PCDH15: variants seen among roughly 807,000 people sequenced by gnomAD.
PCDH15 encodes the protein protocadherin related 15, also known as protocadherin-15.
A neutral mutation model predicts 178.5 loss-of-function variants in PCDH15; 129 were observed. The observed-to-expected ratio is 0.72, with a 90% CI of 0.63 to 0.84. The LOEUF (loss-of-function observed/expected upper bound fraction) is 0.84. Ranked by LOEUF, PCDH15 falls within the 40% of genes least tolerant of loss-of-function variation. The pLI is 0.00. For synonymous variants in PCDH15, 800 were observed against 732.0 expected (o/e 1.09, Z -1.50); for missense variants, 2,230 against 2,099.9 (o/e 1.06, Z -1.21).
intron 2 of PCDH15, among the ~76,000 whole-genome samples, chr10:54,537,241 C>T (rs1242242789): frequency 3.9e-5 from 6 of 151,978 alleles, no homozygotes; most frequent in African/African-American, 1.4e-4. Context: ...CCTTGTGATC[C>T]GCCCGCCTCG....
rs183647702 is a variant in PCDH15 at position 53,889,424 on chromosome 10, T to C, written c.3501+13819A>G. On this transcript the variant is annotated intron_variant, in intron 26 of 37. Transcript: ENST00000644397. ...GAAAGAGACCAAAATAGTCGCCACA[T>C]AAAGAGGATACAAATACTGGCAAAA... Among the ~76,000 whole-genome samples the C allele has an allele frequency of 8.0e-4, 121 of 151,938 alleles. 1 individual carries two copies. Among genetic ancestry groups the C allele is most frequent in the African/African-American group, 2.7e-3 (113 of 41,466 alleles).
rs558459124 is a variant in PCDH15 at position 55,522,344 on chromosome 10, T to C, written c.-156+105281A>G. 1.5e-4 allele frequency among the ~76,000 whole-genome samples: 23 copies of C among 151,952 alleles called. No homozygotes were observed. In the East Asian group the frequency reaches 4.3e-3, roughly 28 times the overall value. On this transcript the variant is annotated intron_variant, in intron 2 of 5. Transcript: ENST00000613346. ...TCTATAGATCCATTTTTTTCTATAG[T>C]GTTATTCAAATATGCTATTTCCCTA...
At chr10:55,625,574 G>GA (rs932024357) in intron 2 of PCDH15, among the ~76,000 whole-genome samples, 3 of 152,120 alleles carry the variant, frequency 2.0e-5, no homozygotes, top group Admixed American at 2.0e-4. Flanking sequence ...TAAACTTTGA[G>GA]AAAAACTGTT....
intron 10 of PCDH15, among the ~76,000 whole-genome samples, chr10:54,205,276 C>T (rs1465660393): frequency 1.3e-5 from 2 of 152,134 alleles, no homozygotes; most frequent in East Asian, 3.9e-4. Context: ...GAGGCCAACT[C>T]TGTTCTAGCC....
intron 2 of PCDH15, among the ~76,000 whole-genome samples, chr10:54,556,076 T>A (rs2087223805): frequency 6.6e-6 from 1 of 152,222 alleles, no homozygotes; most frequent in Non-Finnish European, 1.5e-5. Context: ...CCCAGTGGGC[T>A]GGGGTACCCA....
chr10:55,143,734 C>A (rs1838417496), intron 2 of PCDH15, among the ~76,000 whole-genome samples: 1 of 151,958 alleles, frequency 6.6e-6, no homozygotes, highest in Non-Finnish European at 1.5e-5. Context: ...TTGAATTAAC[C>A]TATGAAACAA....
intron 18 of PCDH15, among the ~76,000 whole-genome samples, chr10:54,064,205 G>A (rs2094091164): frequency 6.6e-6 from 1 of 152,188 alleles, no homozygotes; most frequent in African/African-American, 2.4e-5. Context: ...CCCGGAATAG[G>A]TAGTTCCTTT....
chr10:54,714,862 T>C (rs1368768360), intron 1 of PCDH15, among the ~76,000 whole-genome samples: 2 of 152,170 alleles, frequency 1.3e-5, no homozygotes, highest in Non-Finnish European at 2.9e-5. Flanking sequence ...TTTTTATAAC[T>C]TCTATCTTTG....
At chr10:55,135,763 T>G (rs139367979) in intron 2 of PCDH15, among the ~76,000 whole-genome samples, 2,398 of 151,798 alleles carry the variant, frequency 0.016, 45 homozygotes, top group South Asian at 0.1. Context: ...TTTGTATTTT[T>G]AGTAGAAATG....
intron 2 of PCDH15, among the ~76,000 whole-genome samples, chr10:55,592,742 G>C (rs1345057515): frequency 6.6e-6 from 1 of 151,924 alleles, no homozygotes; most frequent in African/African-American, 2.4e-5. Flanking sequence ...ATTTAGCAGA[G>C]TATTTTTTCA....
At position 55,437,214 on chromosome 10, in the gene PCDH15, C is replaced by A. The variant is rs374484474; in HGVS notation, c.-156+190411G>T. On this transcript the variant is annotated intron_variant, in intron 2 of 5. Coordinates refer to the PCDH15 transcript ENST00000613346. ...GAGGAAGCAGGAGACAAAAGGATCT[C>A]AATTTAATTGGAGAAATAAATAAGA... 1.0e-4 allele frequency among the ~76,000 whole-genome samples: 4 copies of A among 39,142 alleles called. No individual in the cohort carries two copies. In the East Asian group the frequency reaches 0.053, roughly 515 times the overall value. 25.7% of individuals were successfully genotyped at this position (39,142 alleles called of 152,430 possible).
chr10:54,378,116 A>G (rs1948717194), intron 4 of PCDH15, among the ~76,000 whole-genome samples: 1 of 151,806 alleles, frequency 6.6e-6, no homozygotes, highest in African/African-American at 2.4e-5. Flanking sequence ...GTCAAGACAG[A>G]GTCTTACTCT....
At chr10:54,965,936 A>G (rs1400127806) in intron 2 of PCDH15, among the ~76,000 whole-genome samples, 2 of 150,836 alleles carry the variant, frequency 1.3e-5, no homozygotes, top group African/African-American at 4.9e-5. Flanking sequence ...TATATGCAGC[A>G]CATATTATAT....
chr10:54,128,568 C>A (rs1057073990), intron 15 of PCDH15, among the ~76,000 whole-genome samples: 3 of 152,070 alleles, frequency 2.0e-5, no homozygotes, highest in African/African-American at 4.8e-5. Context: ...TCAATCCTTG[C>A]CAGACTTTTT....
intron 22 of PCDH15, among the ~76,000 whole-genome samples, chr10:53,960,791 T>C (rs1235048160): frequency 6.6e-6 from 1 of 152,148 alleles, no homozygotes; most frequent in African/African-American, 2.4e-5. Context: ...ATGAGAGACA[T>C]AGTGCTCACT....
chr10:55,301,142 A>T (rs1843265931), intron 1 of PCDH15, among the ~76,000 whole-genome samples: 2 of 152,186 alleles, frequency 1.3e-5, no homozygotes. Flanking sequence ...GTAATGTATC[A>T]TATGATAGTT....
At chr10:54,385,233 C>A (rs1949774377) in intron 3 of PCDH15, among the ~76,000 whole-genome samples, 2 of 152,024 alleles carry the variant, frequency 1.3e-5, no homozygotes, top group Non-Finnish European at 2.9e-5. Flanking sequence ...CATAACCCTA[C>A]AGTTAAATCT....
intron 2 of PCDH15, among the ~76,000 whole-genome samples, chr10:55,401,415 A>T (rs1838061067): frequency 6.6e-6 from 1 of 152,082 alleles, no homozygotes; most frequent in Non-Finnish European, 1.5e-5. Flanking sequence ...CATAGAAATG[A>T]TAAAGAAGAA....
chr10:54,801,781 C>T (rs1243540130), upstream of PCDH15, among the ~76,000 whole-genome samples: 1 of 152,124 alleles, frequency 6.6e-6, no homozygotes, highest in Non-Finnish European at 1.5e-5. Flanking sequence ...TTTTTACAAA[C>T]ACGTGTGACT....
Sources: gnomAD v4.1 joint callset for allele counts (sites outside exome capture counted in the v4.1 genomes callset) on GRCh38, gnomAD v4.1.1 for gene constraint, MANE v1.5 for transcripts, NCBI Gene and HGNC (gene_info 2026-07-23, HGNC 2026-07-21) for gene names.